Variants in AFF2 observed in about 807,000 individuals in gnomAD.
The protein encoded by AFF2 is AF4/FMR2 family member 2.
Under a neutral mutation model 76.9 loss-of-function variants are expected in AFF2, and 14 were observed. That is an observed-to-expected ratio of 0.18 (90% CI 0.12 to 0.28). The LOEUF is 0.28. Ranked by LOEUF, AFF2 falls within the 10% of genes least tolerant of loss-of-function variation. The pLI, the probability that AFF2 is intolerant of heterozygous loss-of-function variation, is 1.00. For missense variants in AFF2, 868 were observed against 1,001.1 expected (o/e 0.87, Z 1.79); for synonymous variants, 398 against 366.7 (o/e 1.09, Z -0.98).
intron 1 of AFF2, among the ~76,000 whole-genome samples, chrX:148,631,373 A>G (rs945534401): frequency 1.8e-5 from 2 of 111,687 alleles, no homozygotes; most frequent in Admixed American, 1.9e-4. Context: ...ACTGTCATAT[A>G]TATATAAATA....
intron 1 of AFF2, among the ~76,000 whole-genome samples, chrX:148,570,803 G>A (rs782431258): frequency 9.0e-6 from 1 of 111,176 alleles, no homozygotes; most frequent in East Asian, 2.9e-4. Context: ...AACCGCATCC[G>A]TTCCTTGGAT....
intron 1 of AFF2, among the ~76,000 whole-genome samples, chrX:148,593,791 A>G (rs1190679175): frequency 2.7e-5 from 3 of 111,817 alleles, no homozygotes; most frequent in African/African-American, 9.8e-5. Context: ...ACCTCAAATA[A>G]TTTGAGAGTA....
intron 3 of AFF2, among the ~76,000 whole-genome samples, chrX:148,676,057 ATT>A (rs59875267): frequency 0.027 from 2,512 of 91,408 alleles, 78 homozygotes; most frequent in African/African-American, 0.1. Flanking sequence ...ATGAATTGTG[ATT>A]TTTTTTTTTT....
At chrX:148,611,708 T>G (rs2053735908) in intron 1 of AFF2, among the ~76,000 whole-genome samples, 1 of 111,255 alleles carries the variant, frequency 9.0e-6, no homozygotes, top group Non-Finnish European at 1.9e-5. Context: ...GAGGCTCCAG[T>G]TTCAACTCCT....
intron 4 of AFF2, among the ~76,000 whole-genome samples, chrX:148,826,186 T>G (rs1028259644): frequency 1.1e-5 from 1 of 90,531 alleles, no homozygotes; most frequent in Non-Finnish European, 2.1e-5. Context: ...TTTAGAGACA[T>G]CCACTGGCAG....
At chrX:148,638,307 A>C (rs1557254162) in intron 1 of AFF2, among the ~76,000 whole-genome samples, 2 of 111,189 alleles carry the variant, frequency 1.8e-5, no homozygotes, top group African/African-American at 6.6e-5. Flanking sequence ...TGAAAGTTAC[A>C]ATCATGGTGG....
At chrX:148,645,026 A>G (rs1300136057) in intron 1 of AFF2, among the ~76,000 whole-genome samples, 1 of 112,254 alleles carries the variant, frequency 8.9e-6, no homozygotes, top group Non-Finnish European at 1.9e-5. Flanking sequence ...TGTGAATTAC[A>G]TTTTTAAATT....
chrX:148,862,083 A>T (rs1280887820), intron 7 of AFF2, among the ~76,000 whole-genome samples: 2 of 110,655 alleles, frequency 1.8e-5, no homozygotes, highest in Non-Finnish European at 3.8e-5. Flanking sequence ...AACACTGCAT[A>T]CTCACTGAAC....
At chrX:148,987,787 A>G (rs970866173) in intron 20 of AFF2, among the ~76,000 whole-genome samples, 1 of 112,033 alleles carries the variant, frequency 8.9e-6, no homozygotes. Context: ...ACTCATTTGA[A>G]CTGTGATGTG....
At chrX:148,830,386 G>A (rs972466803) in intron 4 of AFF2, among the ~76,000 whole-genome samples, 15 of 112,230 alleles carry the variant, frequency 1.3e-4, no homozygotes, top group Admixed American at 1.3e-3. Context: ...CCAGCCCCCT[G>A]AATCCTTTTA....
intron 1 of AFF2, among the ~76,000 whole-genome samples, chrX:148,564,521 T>C (rs1478053138): frequency 2.7e-5 from 3 of 109,984 alleles, no homozygotes; most frequent in Non-Finnish European, 5.7e-5. Flanking sequence ...GGAGGCGTTT[T>C]GACATGGCCG....
intron 1 of AFF2, among the ~76,000 whole-genome samples, chrX:148,637,610 G>T (rs1160208519): frequency 8.9e-6 from 1 of 112,154 alleles, no homozygotes; most frequent in Non-Finnish European, 1.9e-5. Flanking sequence ...GGAGTATAAA[G>T]AAACAGATGA....
intron 1 of AFF2, among the ~76,000 whole-genome samples, chrX:148,506,537 T>A (rs1557232539): frequency 1.8e-5 from 2 of 110,751 alleles, no homozygotes; most frequent in Non-Finnish European, 1.9e-5. Flanking sequence ...TCTTAGCATG[T>A]CATTTATGGA....
chrX:148,669,625 G>A (rs2054399461), intron 3 of AFF2, among the ~76,000 whole-genome samples: 1 of 110,928 alleles, frequency 9.0e-6, no homozygotes, highest in Admixed American at 9.6e-5. Context: ...TGACTATCAC[G>A]AGAACAGCAC....
intron 1 of AFF2, among the ~76,000 whole-genome samples, chrX:148,557,858 C>T (rs1476772395): frequency 8.9e-6 from 1 of 112,125 alleles, no homozygotes; most frequent in Non-Finnish European, 1.9e-5. Flanking sequence ...AACTGGTTTA[C>T]CTATGACTTT....
chrX:148,521,840 A>C (rs530587291), intron 1 of AFF2, among the ~76,000 whole-genome samples: 7 of 112,129 alleles, frequency 6.2e-5, no homozygotes, highest in African/African-American at 2.3e-4. Flanking sequence ...ACTCTCTTGC[A>C]CTGAGATTGA....
rs186674248 is a variant in AFF2, at chrX:148,653,367, A to C, written c.180+1236A>C. Among the ~76,000 whole-genome samples, 7 of 112,439 alleles carry C rather than the reference A, an allele frequency of 6.2e-5. No homozygotes were observed. In the East Asian group the frequency reaches 2.0e-3, roughly 31 times the overall value. ...TAGTCACTGCCTTACACCAGTGTAC[A>C]AAGAGGAATAGCATAGTCTCTGTTT... On this transcript the variant is annotated intron_variant, in intron 2 of 20. Transcript: ENST00000370460.
At chrX:148,978,121 T>G (rs1421110219) in intron 17 of AFF2, 117 bp downstream of exon 17, 2 of 555,423 alleles carry the variant, frequency 3.6e-6, no homozygotes, top group Non-Finnish European at 6.1e-6. Flanking sequence ...ATTAAACTAT[T>G]AAAGGATAAC....
At chrX:148,607,902 A>T (rs1485951833) in intron 1 of AFF2, among the ~76,000 whole-genome samples, 4 of 112,037 alleles carry the variant, frequency 3.6e-5, no homozygotes, top group Non-Finnish European at 7.5e-5. Context: ...TGGACTCCCA[A>T]TGTTGCCTAT....
Sources: gnomAD v4.1 joint callset for allele counts (sites outside exome capture counted in the v4.1 genomes callset) on GRCh38, gnomAD v4.1.1 for gene constraint, MANE v1.5 for transcripts, NCBI Gene and HGNC (gene_info 2026-07-23, HGNC 2026-07-21) for gene names.